The following LAMB1 variants were observed in gnomAD, a reference collection of about 807,000 sequenced individuals.
LAMB1 encodes the protein laminin subunit beta-1.
A neutral mutation model predicts 222.3 loss-of-function variants in LAMB1; 121 were observed. The observed-to-expected ratio is 0.54, with a 90% CI of 0.47 to 0.63. The LOEUF (loss-of-function observed/expected upper bound fraction) is 0.63. Among genes scored for constraint, LAMB1 ranks in the 30% least tolerant of loss-of-function variants. The pLI, the probability that LAMB1 is intolerant of heterozygous loss-of-function variation, is 0.00. For synonymous variants in LAMB1, 794 were observed against 807.2 expected (o/e 0.98, Z 0.28); for missense variants, 2,172 against 2,240.8 (o/e 0.97, Z 0.62).
rs771810768 is a variant in LAMB1, at chr7:107,962,948, G to A, written c.1814C>T (p.Pro605Leu). 1 of 1,613,984 alleles carries A rather than the reference G, an allele frequency of 6.2e-7. No individual in the cohort carries two copies. The highest frequency in any genetic ancestry group is 1.1e-5 in the South Asian group (1 of 91,068). ...TAGGATGTCGTACTCCATGGAATAT[G>A]GTATGTTGTCAATGAAAAACTCCAA... Reference protein sequence around the residue: ...AYLEFFIDNIPYSMEYDILIR... With the variant: ...AYLEFFIDNILYSMEYDILIR... The change falls in exon 15 of 34, where the codon CCA (proline) becomes CTA (leucine). Residue 605 changes from proline (P) to leucine (L), a missense_variant. Coordinates refer to ENST00000222399, the MANE Select transcript of LAMB1 (RefSeq NM_002291.3).
intron 5 of LAMB1, among the ~76,000 whole-genome samples, chr7:107,990,998 G>A (rs1022571788): frequency 1.3e-5 from 2 of 152,116 alleles, no homozygotes; most frequent in Non-Finnish European, 2.9e-5. Flanking sequence ...CCCAGTCCTT[G>A]CTTTGTATTT....
At chr7:107,996,085 A>C (rs1169347641) in intron 4 of LAMB1, among the ~76,000 whole-genome samples, 2 of 152,096 alleles carry the variant, frequency 1.3e-5, no homozygotes, top group Non-Finnish European at 2.9e-5. Flanking sequence ...CTGGGCATTT[A>C]TTTTTGAGTG....
intron 20 of LAMB1, among the ~76,000 whole-genome samples, chr7:107,955,853 C>T (rs1309757409): frequency 6.6e-6 from 1 of 152,096 alleles, no homozygotes; most frequent in Non-Finnish European, 1.5e-5. Flanking sequence ...CTGCCTCAGC[C>T]TCCCAAGTAG....
rs1448140555 is a variant in LAMB1 at position 107,975,808 on chromosome 7, A to G, written c.1070T>C (p.Val357Ala). Reference protein sequence around the residue: ...DMAVYLATGNVSGGVCDDCQH... With the variant: ...DMAVYLATGNASGGVCDDCQH... Reference sequence around the variant, plus strand: ...ACAGTCATCACACACGCCTCCGCTGACGTTCCCCGTGGCCAGGTAAACAGC... The same window carrying G: ...ACAGTCATCACACACGCCTCCGCTGGCGTTCCCCGTGGCCAGGTAAACAGC... Residue 357 changes from valine to alanine, a missense_variant, in exon 10 of 34, where the codon GTC becomes GCC. Val to Ala is a moderately conservative substitution (Grantham distance 64). Transcript: ENST00000222399. 3.1e-6 allele frequency: 5 copies of G among 1,614,010 alleles called. No homozygotes were observed. In the African/African-American group the frequency reaches 6.7e-5, roughly 22 times the overall value.
At chr7:107,940,470 GACA>G in intron 24 of LAMB1, 112 bp from the exon 25 acceptor site, 2 of 1,119,144 alleles carry the variant, frequency 1.8e-6, no homozygotes, top group Non-Finnish European at 2.5e-6. Flanking sequence ...GTCAACCATC[GACA>G]ACAATTGACC....
chr7:107,960,702 G>T, intron 17 of LAMB1, 53 bp from the exon 18 acceptor site: 2 of 1,508,676 alleles, frequency 1.3e-6, no homozygotes, highest in Non-Finnish European at 1.8e-6. Context: ...CCCATGGCAT[G>T]GGTTTAAGCA....
rs767352824 is a variant in LAMB1 at position 107,940,200 on chromosome 7, C to G, written c.3550G>C (p.Ala1184Pro). 6.2e-7 allele frequency: 1 copy of G among 1,614,190 alleles called. No homozygotes were observed. The highest frequency in any genetic ancestry group is 1.1e-5 in the South Asian group (1 of 91,082). The change falls in exon 25 of 34, where the codon GCT becomes CCT. Residue 1184 changes from alanine to proline, a missense_variant. Physicochemically the swap from Ala to Pro is conservative, Grantham distance 27 (BLOSUM62 -1). Transcript: ENST00000222399. The part of the protein sequence containing the change: ...PDCTPCHQCF[A>P]LWDVIIAELT... The stretch of plus-strand genomic sequence containing the variant: ...TCGGCAATGATCACATCCCAGAGAG[C>G]AAAGCACTGGTGGCAGGGTGTGCAG...
intron 24 of LAMB1, among the ~76,000 whole-genome samples, chr7:107,944,076 C>T (rs1291998408): frequency 6.6e-6 from 1 of 152,220 alleles, no homozygotes; most frequent in Non-Finnish European, 1.5e-5. Flanking sequence ...GGCAGAGTTG[C>T]ATATGCTTAT....
chr7:107,943,426 CAAATAACTT>C (rs967824098), intron 24 of LAMB1, among the ~76,000 whole-genome samples: 1 of 152,160 alleles, frequency 6.6e-6, no homozygotes, highest in Admixed American at 6.5e-5. Context: ...AGATAACTTA[CAAATAACTT>C]AAATAACTTA....
At chr7:107,985,374 A>G (rs1426641335) in intron 7 of LAMB1, among the ~76,000 whole-genome samples, 2 of 152,216 alleles carry the variant, frequency 1.3e-5, no homozygotes, top group Admixed American at 1.3e-4. Flanking sequence ...CTGTAATCCC[A>G]GCACTTTGGG....
At chr7:108,000,549 A>T (rs1374563104) in intron 3 of LAMB1, among the ~76,000 whole-genome samples, 1 of 152,168 alleles carries the variant, frequency 6.6e-6, no homozygotes, top group African/African-American at 2.4e-5. Flanking sequence ...GCCTTTATTT[A>T]AAAAAATTTT....
chr7:107,998,435 G>C lies in LAMB1; in HGVS notation c.271C>G (p.Pro91Ala), dbSNP rs1294137876. ...ACATTTTCAATGAGATGGCTGTCAG[G>C]ATTCAGGGTCTCATGATAAGGATCT... is the stretch of plus-strand genomic sequence containing the variant. ...SQDPYHETLN[P>A]DSHLIENVVT... The change falls in exon 4 of 34, where the codon CCT becomes GCT. Residue 91 changes from proline to alanine, a missense_variant. Transcript: ENST00000222399. The C allele has an allele frequency of 3.1e-6, 5 of 1,613,690 alleles. No individual in the cohort carries two copies. The highest frequency in any genetic ancestry group is 1.1e-5 in the South Asian group (1 of 91,072).
intron 31 of LAMB1, among the ~76,000 whole-genome samples, chr7:107,927,793 G>A (rs528554049): frequency 2.0e-5 from 3 of 152,246 alleles, no homozygotes; most frequent in East Asian, 1.9e-4. Flanking sequence ...ATTGATACTC[G>A]AAATTTAAGG....
chr7:108,003,070 G>T (rs1441726392), intron 1 of LAMB1, 41 bp downstream of exon 1: 15 of 1,331,992 alleles, frequency 1.1e-5, no homozygotes, highest in Non-Finnish European at 1.5e-5. Flanking sequence ...GGGGTGGGCT[G>T]GAAAGTGGGG....
intron 20 of LAMB1, among the ~76,000 whole-genome samples, chr7:107,957,215 C>A (rs2033396189): frequency 6.6e-6 from 1 of 152,112 alleles, no homozygotes; most frequent in African/African-American, 2.4e-5. Context: ...CATGGTGAAA[C>A]CCCATCTCCC....
intron 24 of LAMB1, chr7:107,942,593 C>G (rs1584492841): frequency 6.6e-6 from 1 of 152,118 alleles, no homozygotes; most frequent in Non-Finnish European, 1.5e-5. Context: ...CCTGGGTAAT[C>G]AGGAAACTGA....
chr7:107,999,266 G>C (rs899386380), intron 3 of LAMB1, among the ~76,000 whole-genome samples: 1 of 152,220 alleles, frequency 6.6e-6, no homozygotes, highest in African/African-American at 2.4e-5. Flanking sequence ...TGGGTTAGGA[G>C]AGTTATCTAC....
At chr7:107,937,379 C>T in intron 25 of LAMB1, 102 bp from the exon 26 acceptor site, 2 of 848,576 alleles carry the variant, frequency 2.4e-6, no homozygotes, top group Admixed American at 2.3e-5. Flanking sequence ...TAATTTCAAA[C>T]CAATTCAGTA....
At chr7:107,924,178 C>G in intron 33 of LAMB1, 52 bp downstream of exon 33, 2 of 1,552,822 alleles carry the variant, frequency 1.3e-6, no homozygotes, top group Non-Finnish European at 1.7e-6. Flanking sequence ...TTTAAATAAA[C>G]TATGGATGCC....
Sources: gnomAD v4.1 joint callset for allele counts (sites outside exome capture counted in the v4.1 genomes callset) on GRCh38, gnomAD v4.1.1 for gene constraint, MANE v1.5 for transcripts, NCBI Gene and HGNC (gene_info 2026-07-23, HGNC 2026-07-21) for gene names.